CDH26: variants seen among roughly 807,000 people sequenced by gnomAD.
CDH26 encodes the protein cadherin-like protein 26.
CDH26 carries 83 observed loss-of-function variants against 90.3 expected under a neutral mutation model. The ratio of observed to expected loss-of-function variants is 0.92; its 90% confidence interval spans 0.77 to 1.10. CDH26 has a LOEUF of 1.10. CDH26 is among the 50% of genes least tolerant of loss of function. The pLI is 0.00. For missense variants in CDH26, 1,013 were observed against 1,037.6 expected (o/e 0.98, Z 0.33); for synonymous variants, 397 against 396.3 (o/e 1.00, Z -0.02).
intron 4 of CDH26, 46 bp downstream of exon 4, chr20:59,972,169 G>GC: frequency 6.4e-7 from 1 of 1,566,842 alleles, no homozygotes; most frequent in Non-Finnish European, 8.7e-7. Context: ...AAAAGCTCTT[G>GC]CAAGACTGTT....
intron 1 of CDH26, among the ~76,000 whole-genome samples, chr20:59,966,231 TAAAAAAAAAAA>T (rs60088029): frequency 3.5e-4 from 27 of 76,250 alleles, no homozygotes; most frequent in Non-Finnish European, 5.2e-4. Context: ...GGTGTTGCAT[TAAAAAAAAAAA>T]AAAAAAAAAA....
At chr20:59,980,420 G>C (rs370936031) in intron 4 of CDH26, among the ~76,000 whole-genome samples, 2 of 151,636 alleles carry the variant, frequency 1.3e-5, no homozygotes, top group East Asian at 3.9e-4. Context: ...TCAGCCTCCC[G>C]AGTAGCTGGG....
chr20:60,010,815 T>TGGCTCACGTCACACATCAGGGTG lies in CDH26; in HGVS notation c.2296-1709_2296-1687dup, dbSNP rs545392638. Among the ~76,000 whole-genome samples the TGGCTCACGTCACACATCAGGGTG allele has an allele frequency of 2.5e-3, 374 of 152,312 alleles. 2 individuals carry two copies. Among genetic ancestry groups the TGGCTCACGTCACACATCAGGGTG allele is most frequent in the African/African-American group, 8.6e-3 (357 of 41,570 alleles). On this transcript the variant is annotated intron_variant, in intron 17 of 17. Coordinates refer to ENST00000348616, the MANE Select transcript of CDH26 (RefSeq NM_177980.4). ...GCTTAATGCGCAGAGCAGGCACCTC[T>TGGCTCACGTCACACATCAGGGTG]GGCTCACGTCACACATCAGGGTGGG...
chr20:59,964,432 C>A (rs1342244304), intron 1 of CDH26, among the ~76,000 whole-genome samples: 2 of 151,766 alleles, frequency 1.3e-5, no homozygotes, highest in South Asian at 2.1e-4. Context: ...CTAGAAAGAA[C>A]CCCCCGCCCC....
intron 16 of CDH26, among the ~76,000 whole-genome samples, 182 bp downstream of exon 16, chr20:60,003,048 A>G (rs545323578): frequency 1.7e-4 from 26 of 152,304 alleles, no homozygotes; most frequent in African/African-American, 5.8e-4. Flanking sequence ...GTTAAGGCAC[A>G]TTTATCCCGT....
chr20:59,960,306 C>T (rs2061052273), intron 1 of CDH26, among the ~76,000 whole-genome samples: 1 of 151,992 alleles, frequency 6.6e-6, no homozygotes, highest in Non-Finnish European at 1.5e-5. Context: ...TTATCTGAGC[C>T]AGTGGTTGTA....
In CDH26 at chr20:60,012,789, G is replaced by A. The variant is rs2061865447; in HGVS notation, c.*59G>A. The A allele has an allele frequency of 6.5e-7, 1 of 1,529,898 alleles. No individual in the cohort carries two copies. The highest frequency in any genetic ancestry group is 1.8e-5 in the Admixed American group (1 of 55,196). 94.8% of individuals were successfully genotyped at this position (1,529,898 alleles called of 1,614,324 possible). On this transcript the variant is annotated 3_prime_UTR_variant, in exon 18 of 18. Transcript: ENST00000348616. ...TCATGGAAGGGAATCACTATTCAGGGATTTTTCCCCTTTGCTCTTCTTTTC... is the reference window on the plus strand; with the variant it reads ...TCATGGAAGGGAATCACTATTCAGGAATTTTTCCCCTTTGCTCTTCTTTTC...
At chr20:59,971,013 G>A (rs935507408) in intron 3 of CDH26, among the ~76,000 whole-genome samples, 1 of 152,070 alleles carries the variant, frequency 6.6e-6, no homozygotes, top group African/African-American at 2.4e-5. Context: ...CTCATGCTGA[G>A]GGTGAGCACT....
intron 4 of CDH26, among the ~76,000 whole-genome samples, chr20:59,974,815 T>C (rs1569030209): frequency 1.3e-5 from 2 of 152,224 alleles, no homozygotes; most frequent in Admixed American, 1.3e-4. Flanking sequence ...CTCATTACCC[T>C]GTTTTATTTT....
intron 17 of CDH26, among the ~76,000 whole-genome samples, chr20:60,011,944 T>G (rs1311943709): frequency 6.6e-6 from 1 of 152,022 alleles, no homozygotes; most frequent in Non-Finnish European, 1.5e-5. Context: ...TAGGGATGGA[T>G]GAAGCCATGG....
intron 1 of CDH26, among the ~76,000 whole-genome samples, chr20:59,963,194 G>T (rs1034019304): frequency 1.3e-5 from 2 of 151,788 alleles, no homozygotes; most frequent in African/African-American, 4.8e-5. Flanking sequence ...AGGAAATGCA[G>T]ACTCCAGAGC....
chr20:59,970,488 T>TTC (rs2061244793), intron 3 of CDH26, among the ~76,000 whole-genome samples: 1 of 147,802 alleles, frequency 6.8e-6, no homozygotes, highest in African/African-American at 2.5e-5. Context: ...TGCAGAGGCT[T>TTC]TTTTTTTTTT....
intron 2 of CDH26, 102 bp from the exon 3 acceptor site, chr20:59,969,980 A>C (rs2061234304): frequency 6.8e-7 from 1 of 1,464,460 alleles, no homozygotes; most frequent in African/African-American, 1.4e-5. Context: ...AATGCAGGCC[A>C]GGTGTCAGCA....
intron 4 of CDH26, among the ~76,000 whole-genome samples, chr20:59,972,745 G>A (rs899447750): frequency 7.9e-5 from 12 of 152,188 alleles, no homozygotes; most frequent in Non-Finnish European, 1.6e-4. Context: ...GTGGAATGGA[G>A]CTGCTGGGAA....
At chr20:59,970,877 T>G (rs1015274921) in intron 3 of CDH26, among the ~76,000 whole-genome samples, 3 of 151,874 alleles carry the variant, frequency 2.0e-5, no homozygotes, top group African/African-American at 4.8e-5. Context: ...TTAAAAATTT[T>G]GCCCTTCTAA....
rs36115468 is a variant in CDH26 at position 60,029,408 on chromosome 20, G to A, written c.948-1823G>A. On this transcript the variant is annotated intron_variant, in intron 7 of 8. Coordinates refer to the CDH26 transcript ENST00000370991. ...CAACGTAGCACCTATAGTCAACAAC[G>A]TAGCACCTATAGTCAACAACATAGC... 3.5e-3 allele frequency among the ~76,000 whole-genome samples: 492 copies of A among 140,582 alleles called. 1 individual carries two copies. Among genetic ancestry groups the A allele is most frequent in the East Asian group, 8.1e-3 (39 of 4,806 alleles). The allele number at this position is 140,582 out of a possible 152,430, so 92.2% of individuals were successfully genotyped here.
At chr20:59,997,948 A>T (rs1444851610) in intron 13 of CDH26, among the ~76,000 whole-genome samples, 1 of 152,232 alleles carries the variant, frequency 6.6e-6, no homozygotes, top group Admixed American at 6.5e-5. Flanking sequence ...GCAGCCACTT[A>T]GGCTCCTCTG....
intron 15 of CDH26, 29 bp downstream of exon 15, chr20:60,001,440 C>T (rs766848656): frequency 3.2e-5 from 52 of 1,611,702 alleles, no homozygotes; most frequent in South Asian, 9.9e-5. Flanking sequence ...CTCCCTGCTA[C>T]GGCCATCTCA....
chr20:59,961,248 G>GT (rs1358650054), intron 1 of CDH26, among the ~76,000 whole-genome samples: 4 of 146,596 alleles, frequency 2.7e-5, no homozygotes, highest in South Asian at 4.7e-4. Context: ...TCCCTCTGGC[G>GT]TATTAGTGCA....
Sources: allele counts gnomAD v4.1 joint callset (sites outside exome capture counted in the v4.1 genomes callset), GRCh38; gene constraint gnomAD v4.1.1; transcripts MANE v1.5; gene names NCBI Gene and HGNC (gene_info 2026-07-23, HGNC 2026-07-21).